The following MSI2 variants were observed in gnomAD, a reference collection of about 807,000 sequenced individuals.
MSI2 encodes the protein RNA-binding protein Musashi homolog 2.
In MSI2, 17 loss-of-function variants were observed where a neutral mutation model predicts 45.6. The observed-to-expected ratio is 0.37, with a 90% CI of 0.26 to 0.56. The LOEUF (loss-of-function observed/expected upper bound fraction) is 0.56. MSI2 is among the 20% of genes least tolerant of loss of function. MSI2 has a pLI of 0.77. For synonymous variants in MSI2, 156 were observed against 158.2 expected (o/e 0.99, Z 0.11); for missense variants, 293 against 444.2 (o/e 0.66, Z 3.06).
chr17:57,433,892 A>C (rs2084645083), intron 6 of MSI2, among the ~76,000 whole-genome samples: 1 of 152,088 alleles, frequency 6.6e-6, no homozygotes, highest in Non-Finnish European at 1.5e-5. Flanking sequence ...TTTAAATTTT[A>C]ATTTAATTTT....
chr17:57,331,627 G>A (rs1180655534), intron 5 of MSI2, among the ~76,000 whole-genome samples: 3 of 152,102 alleles, frequency 2.0e-5, no homozygotes, highest in Admixed American at 6.5e-5. Flanking sequence ...AAGCCCCAGC[G>A]GATTCCTGAA....
intron 5 of MSI2, among the ~76,000 whole-genome samples, chr17:57,300,325 A>T (rs1279973670): frequency 6.6e-6 from 1 of 152,200 alleles, no homozygotes; most frequent in African/African-American, 2.4e-5. Context: ...AAATCCATTT[A>T]AAAAATGTTC....
chr17:57,325,437 C>G (rs770651321), intron 5 of MSI2, among the ~76,000 whole-genome samples: 17 of 152,156 alleles, frequency 1.1e-4, no homozygotes, highest in Non-Finnish European at 2.5e-4. Flanking sequence ...CACTTATACC[C>G]CAAAAGCTAT....
chr17:57,631,195 A>G (rs1909340213), intron 10 of MSI2: 1 of 152,400 alleles, frequency 6.6e-6, no homozygotes, highest in Non-Finnish European at 1.5e-5. Context: ...AGGGCCATGC[A>G]AGACAGCTAG....
intron 7 of MSI2, among the ~76,000 whole-genome samples, chr17:57,572,180 CCAAGGAGGAATGT>C (rs2087896693): frequency 6.6e-6 from 1 of 152,182 alleles, no homozygotes; most frequent in Non-Finnish European, 1.5e-5. Context: ...TTTGGCATCA[CCAAGGAGGAATGT>C]CGCAGGTTTG....
chr17:57,524,860 CCA>C (rs1411846515), intron 6 of MSI2, among the ~76,000 whole-genome samples: 2 of 152,194 alleles, frequency 1.3e-5, no homozygotes, highest in Non-Finnish European at 2.9e-5. Flanking sequence ...CAACCTCTGC[CCA>C]GTGTCTTTAA....
At chr17:57,301,310 G>C (rs1012392634) in intron 5 of MSI2, among the ~76,000 whole-genome samples, 1 of 152,304 alleles carries the variant, frequency 6.6e-6, no homozygotes, top group East Asian at 1.9e-4. Context: ...TCTTTAGAGC[G>C]GATGCAAGGT....
chr17:57,454,089 C>T (rs1480078753), intron 6 of MSI2, among the ~76,000 whole-genome samples: 2 of 152,254 alleles, frequency 1.3e-5, no homozygotes, highest in Non-Finnish European at 2.9e-5. Context: ...GTGAAATAAA[C>T]AGGCACCCAA....
At chr17:57,603,193 C>T (rs570021764) in intron 8 of MSI2, among the ~76,000 whole-genome samples, 2 of 152,366 alleles carry the variant, frequency 1.3e-5, no homozygotes, top group South Asian at 4.1e-4. Flanking sequence ...GTGCCAGAGA[C>T]TGCTCCCGCC....
chr17:57,385,617 C>A (rs2083671996), intron 5 of MSI2, among the ~76,000 whole-genome samples: 1 of 152,162 alleles, frequency 6.6e-6, no homozygotes. Flanking sequence ...TGCCGTTGCA[C>A]CCCACCCTGG....
intron 6 of MSI2, among the ~76,000 whole-genome samples, chr17:57,428,738 T>C (rs903230500): frequency 4.6e-5 from 7 of 152,168 alleles, no homozygotes; most frequent in Non-Finnish European, 7.4e-5. Context: ...TCATGTTTTA[T>C]CTACTTTACC....
chr17:57,521,172 G>A (rs2086576573), intron 6 of MSI2, among the ~76,000 whole-genome samples: 1 of 152,178 alleles, frequency 6.6e-6, no homozygotes, highest in Non-Finnish European at 1.5e-5. Flanking sequence ...AACACACAGG[G>A]ACAGAAAGGC....
chr17:57,321,513 G>A lies in MSI2; in HGVS notation c.312+59321G>A, dbSNP rs551906424. On this transcript the variant is annotated intron_variant, in intron 5 of 13. Transcript: ENST00000284073. ...TGCCTCGGCTTCTCTGGAAACAGGA[G>A]GACAAGGGAACTCTGTTGCACCAGA... is the stretch of plus-strand genomic sequence containing the variant. Among the ~76,000 whole-genome samples, 194 of 152,230 alleles carry A rather than the reference G, an allele frequency of 1.3e-3. 1 individual carries two copies. Among genetic ancestry groups the A allele is most frequent in the Non-Finnish European group, 2.4e-3 (163 of 68,020 alleles).
At chr17:57,642,104 A>G (rs1166909475) in intron 10 of MSI2, among the ~76,000 whole-genome samples, 1 of 152,208 alleles carries the variant, frequency 6.6e-6, no homozygotes, top group African/African-American at 2.4e-5. Context: ...GGAACTCTCC[A>G]GGGCCTCTGA....
rs537211374 is a variant in MSI2, at chr17:57,575,040, C to T, written c.455-21828C>T. Among the ~76,000 whole-genome samples the T allele has an allele frequency of 2.8e-3, 422 of 152,126 alleles. 3 individuals are homozygous for T. Among genetic ancestry groups the T allele is most frequent in the Non-Finnish European group, 4.8e-3 (326 of 67,990 alleles). Reference sequence around the variant, plus strand: ...AGAGATGGGGTTTCACTGTGTTAGCCAGGATGGTCTCAATCTCCTGACCTC... The same window carrying T: ...AGAGATGGGGTTTCACTGTGTTAGCTAGGATGGTCTCAATCTCCTGACCTC... On this transcript the variant is annotated intron_variant, in intron 7 of 13. Transcript: ENST00000284073.
chr17:57,260,216 G>A (rs1292279279), intron 4 of MSI2, among the ~76,000 whole-genome samples: 5 of 152,116 alleles, frequency 3.3e-5, no homozygotes, highest in African/African-American at 4.8e-5. Flanking sequence ...GCAAAAGGTT[G>A]GGATTTGCCA....
chr17:57,652,229 T>C lies in MSI2; in HGVS notation c.790+68T>C, dbSNP rs1911210810. ...AGTGTGCAGGGGGAGGTCAAGGCCC[T>C]GTCGGATCTGTGTGGCTGCATCTGT... On this transcript the variant is annotated intron_variant, in intron 11 of 13. Coordinates refer to ENST00000284073, the MANE Select transcript of MSI2 (RefSeq NM_138962.4). The surrounding 1 kb of genome is among the most constrained non-coding windows in gnomAD (Gnocchi z 4.1). 1 of 1,440,540 alleles carries C rather than the reference T, an allele frequency of 6.9e-7. No individual in the cohort carries two copies. Among genetic ancestry groups the C allele is most frequent in the African/African-American group, 1.4e-5 (1 of 71,710 alleles). 89.2% of individuals were successfully genotyped at this position (1,440,540 alleles called of 1,614,324 possible).
At chr17:57,590,423 G>A (rs72834907) in intron 7 of MSI2, among the ~76,000 whole-genome samples, 15,899 of 152,164 alleles carry the variant, frequency 0.1, 964 homozygotes, top group Middle Eastern at 0.16. Flanking sequence ...TTCTTCTTCT[G>A]TGTATGTGGT....
chr17:57,319,346 A>G (rs1056781485), intron 5 of MSI2, among the ~76,000 whole-genome samples: 1 of 152,212 alleles, frequency 6.6e-6, no homozygotes, highest in Non-Finnish European at 1.5e-5. Context: ...TTTCGGTGGC[A>G]TGGCCAGGAC....
Sources: gnomAD v4.1 joint callset for allele counts (sites outside exome capture counted in the v4.1 genomes callset) on GRCh38, gnomAD v4.1.1 for gene constraint, Gnocchi (gnomAD v3.1) non-coding constraint, MANE v1.5 for transcripts, NCBI Gene and HGNC (gene_info 2026-07-23, HGNC 2026-07-21) for gene names.